NAA11: variants seen among roughly 807,000 people sequenced by gnomAD.
NAA11 encodes the protein N-alpha-acetyltransferase 11, NatA catalytic subunit.
In NAA11, 15 loss-of-function variants were observed where a neutral mutation model predicts 16.1. The ratio of observed to expected loss-of-function variants is 0.93; its 90% CI spans 0.62 to 1.44. The LOEUF is 1.44. Ranked by LOEUF, NAA11 falls within the 40% of genes most tolerant of loss-of-function variation. NAA11 has a pLI of 0.00. For synonymous variants in NAA11, 122 were observed against 112.4 expected, an observed-to-expected ratio of 1.09 and a Z score of -0.54; for missense variants, 298 against 291.3, an observed-to-expected ratio of 1.02 and a Z score of -0.17.
chr4:79,325,200 A>C lies in NAA11; in HGVS notation c.678T>G (p.Asp226Glu), dbSNP rs918326636. 6.2e-7 allele frequency: 1 copy of C among 1,609,070 alleles called. No homozygotes were observed. Among genetic ancestry groups the C allele is most frequent in the African/African-American group, 1.3e-5 (1 of 74,954 alleles). Residue 226 changes from aspartate to glutamate, a missense_variant, in exon 1 of 2, where the codon GAT becomes GAG. Transcript: ENST00000286794. ...CCTTAAGCATGCTCTAGGAGGTGGA[A>C]TCCGAGCTTTCTGAGCTGTCCTGGA... ...TNVQDSSESS[D>E]STS
chr4:79,265,940 G>A (rs985356011), intron 2 of NAA11, among the ~76,000 whole-genome samples: 2 of 152,044 alleles, frequency 1.3e-5, no homozygotes, highest in Non-Finnish European at 2.9e-5. Context: ...TGTTTCTCCT[G>A]TTTAGAATTA....
At chr4:79,323,325 G>A (rs987530292) in intron 1 of NAA11, among the ~76,000 whole-genome samples, 2 of 152,186 alleles carry the variant, frequency 1.3e-5, no homozygotes, top group African/African-American at 2.4e-5. Flanking sequence ...CAATTAAGTT[G>A]TTTCTAACAT....
At chr4:79,165,811 A>G in the NAA11 span, among the ~76,000 whole-genome samples, 1 of 152,180 alleles carries the variant, frequency 6.6e-6, no homozygotes, top group African/African-American at 2.4e-5. Flanking sequence ...CTTGGCTGTG[A>G]TTTTAAATTT....
At chr4:79,219,917 A>C in the NAA11 span, among the ~76,000 whole-genome samples, 17 of 152,344 alleles carry the variant, frequency 1.1e-4, no homozygotes, top group African/African-American at 3.4e-4. Context: ...CCCAAATATC[A>C]AACCATATCC....
the NAA11 span, among the ~76,000 whole-genome samples, chr4:79,158,001 C>T: frequency 8.6e-5 from 13 of 150,686 alleles, 1 homozygote; most frequent in South Asian, 8.3e-4. Flanking sequence ...CCCGGGTTCA[C>T]GCCATTCTCC....
At chr4:79,288,910 A>C (rs898951209) in intron 2 of NAA11, among the ~76,000 whole-genome samples, 6 of 152,300 alleles carry the variant, frequency 3.9e-5, no homozygotes, top group African/African-American at 1.4e-4. Context: ...TATTGTCTTC[A>C]GTATACTTTT....
chr4:79,240,768 C>A (rs566625456), intron 2 of NAA11, among the ~76,000 whole-genome samples: 1 of 152,020 alleles, frequency 6.6e-6, no homozygotes, highest in Non-Finnish European at 1.5e-5. Flanking sequence ...AACTGGGCTG[C>A]TGTTACACAA....
the NAA11 span, among the ~76,000 whole-genome samples, chr4:79,198,777 T>A: frequency 1.3e-5 from 2 of 151,952 alleles, no homozygotes; most frequent in African/African-American, 2.4e-5. Context: ...TAAGAGCATG[T>A]GCACATTGAG....
chr4:79,282,075 A>G (rs1220841995), intron 2 of NAA11, among the ~76,000 whole-genome samples: 1 of 152,148 alleles, frequency 6.6e-6, no homozygotes, highest in Admixed American at 6.5e-5. Context: ...GAATTAACCA[A>G]CCTTCTAAAG....
intron 1 of NAA11, among the ~76,000 whole-genome samples, chr4:79,304,372 A>G (rs1485872289): frequency 6.6e-6 from 1 of 152,210 alleles, no homozygotes; most frequent in Non-Finnish European, 1.5e-5. Flanking sequence ...GAAAATTGCC[A>G]GTGACACAGT....
At chr4:79,202,610 G>T in the NAA11 span, among the ~76,000 whole-genome samples, 6 of 25,338 alleles carry the variant, frequency 2.4e-4, no homozygotes, top group Non-Finnish European at 3.6e-4. Context: ...TTTATATACA[G>T]TTATATATAG....
At chr4:79,204,192 A>G in the NAA11 span, among the ~76,000 whole-genome samples, 998 of 152,000 alleles carry the variant, frequency 6.6e-3, 3 homozygotes, top group Non-Finnish European at 0.011. Flanking sequence ...GATACAGACA[A>G]ATATTTGGTA....
intron 1 of NAA11, among the ~76,000 whole-genome samples, chr4:79,322,896 A>G (rs1202335270): frequency 6.6e-6 from 1 of 152,204 alleles, no homozygotes; most frequent in East Asian, 1.9e-4. Flanking sequence ...GACTTACTGT[A>G]TCTAAATTTT....
chr4:79,306,918 AGCT>A (rs1487700796), intron 1 of NAA11: 3 of 152,212 alleles, frequency 2.0e-5, no homozygotes, highest in Non-Finnish European at 4.4e-5. Flanking sequence ...AGTTTTGTAT[AGCT>A]ATAGTCAAAG....
the NAA11 span, among the ~76,000 whole-genome samples, chr4:79,168,183 C>T: frequency 6.6e-6 from 1 of 152,110 alleles, no homozygotes; most frequent in Non-Finnish European, 1.5e-5. Flanking sequence ...ATCCATGTCC[C>T]TGTAAAGGAC....
At chr4:79,187,767 C>T in the NAA11 span, among the ~76,000 whole-genome samples, 7 of 152,038 alleles carry the variant, frequency 4.6e-5, no homozygotes, top group Admixed American at 1.3e-4. Context: ...GAGGCCGAGG[C>T]GGGCTGATCA....
chr4:79,175,317 A>G, the NAA11 span, among the ~76,000 whole-genome samples: 2 of 152,150 alleles, frequency 1.3e-5, no homozygotes, highest in Admixed American at 6.6e-5. Context: ...TATGCATCAC[A>G]AAATATTAAG....
At chr4:79,255,614 T>C (rs1386419393) in intron 2 of NAA11, among the ~76,000 whole-genome samples, 2 of 152,342 alleles carry the variant, frequency 1.3e-5, no homozygotes, top group Middle Eastern at 3.4e-3. Flanking sequence ...GTTTAATTCA[T>C]TTATATTCAA....
the NAA11 span, among the ~76,000 whole-genome samples, chr4:79,204,604 G>C: frequency 1.4e-5 from 2 of 143,962 alleles, no homozygotes; most frequent in Non-Finnish European, 3.0e-5. Flanking sequence ...GTGTATAAGT[G>C]GTTTTTGGTT....
Sources: allele counts gnomAD v4.1 joint callset (sites outside exome capture counted in the v4.1 genomes callset), GRCh38; gene constraint gnomAD v4.1.1; transcripts MANE v1.5; gene names NCBI Gene and HGNC (gene_info 2026-07-23, HGNC 2026-07-21).